The following C14orf132 variants were observed in gnomAD, a reference collection of about 807,000 sequenced individuals.
C14orf132 encodes the protein chromosome 14 open reading frame 132.
C14orf132 carries 6 observed loss-of-function variants against 5.8 expected under a neutral mutation model. That is an observed-to-expected ratio of 1.03 (90% CI 0.57 to 2.04). The LOEUF (loss-of-function observed/expected upper bound fraction) is 2.04. Ranked by LOEUF, C14orf132 falls within the 30% of genes most tolerant of loss-of-function variation. The pLI is 0.00. For missense variants in C14orf132, 125 were observed against 115.8 expected (o/e 1.08, Z -0.37); for synonymous variants, 51 against 49.8 (o/e 1.02, Z -0.10).
Position 96,088,828 on chromosome 14 carries a change from G to A in C14orf132, c.*2093G>A, listed in dbSNP as rs1482354100. On this transcript the variant is annotated 3_prime_UTR_variant, in exon 2 of 2. Transcript: ENST00000555004. ...GCTGCGGTGAAGGGAGGAGAAGGCA[G>A]GAGGAAAAAGGATGGCTTCTAGCCC... is the stretch of plus-strand genomic sequence containing the variant. The A allele has an allele frequency of 6.6e-6, 1 of 152,292 alleles. No homozygotes were observed. Among genetic ancestry groups the A allele is most frequent in the Non-Finnish European group, 1.5e-5 (1 of 68,088 alleles). 9.4% of individuals were successfully genotyped at this position (152,292 alleles called of 1,614,324 possible).
At position 96,041,972 on chromosome 14, in the gene C14orf132, G is replaced by C. The variant is rs180738657; in HGVS notation, c.27+2445G>C. 2.4e-3 allele frequency among the ~76,000 whole-genome samples: 367 copies of C among 152,338 alleles called. 3 individuals carry two copies. Among genetic ancestry groups the C allele is most frequent in the Admixed American group, 3.6e-3 (55 of 15,308 alleles). On this transcript the variant is annotated intron_variant, in intron 1 of 1. Transcript: ENST00000555004. ...TGAAGAAGGTGCCCAGCACGTAGTA[G>C]GTCCTCAAGTATTTATTAGAGGATT...
At chr14:96,041,304 G>A (rs766923163) in intron 1 of C14orf132, among the ~76,000 whole-genome samples, 7 of 152,124 alleles carry the variant, frequency 4.6e-5, no homozygotes, top group Admixed American at 3.3e-4. Context: ...AGTCCATGAC[G>A]GAGGCCCCAT....
intron 1 of C14orf132, among the ~76,000 whole-genome samples, chr14:96,083,831 T>C (rs1007843437): frequency 1.3e-5 from 2 of 152,182 alleles, no homozygotes; most frequent in Admixed American, 1.3e-4. Context: ...CCTGCAAAGC[T>C]ATTAAATAAA....
At chr14:96,052,776 G>T (rs1212997486) in intron 1 of C14orf132, among the ~76,000 whole-genome samples, 1 of 151,514 alleles carries the variant, frequency 6.6e-6, no homozygotes, top group Admixed American at 6.6e-5. Context: ...TCTGCTGCAT[G>T]CTGGGCCCAG....
rs1335035993 is a variant in C14orf132, at chr14:96,049,589, TAC to T, written c.27+10064_27+10065del. Among the ~76,000 whole-genome samples, 74 of 137,006 alleles carry T rather than the reference TAC, an allele frequency of 5.4e-4. 1 individual carries two copies. The highest frequency in any genetic ancestry group is 1.8e-3 in the African/African-American group (68 of 37,564). 89.9% of individuals were successfully genotyped at this position (137,006 alleles called of 152,430 possible). On this transcript the variant is annotated intron_variant, in intron 1 of 1. Transcript: ENST00000555004. ...ATATATACATATATACGTATATATA[TAC>T]ATATATACGTATATATATACATATA...
chr14:96,063,810 A>G (rs8022571), intron 1 of C14orf132, among the ~76,000 whole-genome samples: 9,238 of 152,236 alleles, frequency 0.061, 352 homozygotes, highest in East Asian at 0.17. Flanking sequence ...GAAAATCTTC[A>G]CTATCTATAC....
intron 1 of C14orf132, among the ~76,000 whole-genome samples, chr14:96,068,273 T>G (rs1231501916): frequency 1.3e-5 from 2 of 152,186 alleles, no homozygotes; most frequent in African/African-American, 4.8e-5. Flanking sequence ...TGGAGGCCAG[T>G]TCTCTGCAGG....
chr14:96,076,706 C>T (rs113294440), intron 1 of C14orf132, among the ~76,000 whole-genome samples: 2,776 of 152,218 alleles, frequency 0.018, 87 homozygotes, highest in African/African-American at 0.06. Context: ...GCATGCAGCC[C>T]GTGGGTTGTG....
At chr14:96,073,617 C>G (rs1887775734) in intron 1 of C14orf132, among the ~76,000 whole-genome samples, 1 of 152,228 alleles carries the variant, frequency 6.6e-6, no homozygotes, top group Non-Finnish European at 1.5e-5. Flanking sequence ...TTTTGGAAGA[C>G]TGTGTGGCAG....
At position 96,093,762 on chromosome 14, in the gene C14orf132, T is replaced by A. The variant is rs900979457; in HGVS notation, c.*7027T>A. 3 of 152,268 alleles carry A rather than the reference T, an allele frequency of 2.0e-5. No homozygotes were observed. The highest frequency in any genetic ancestry group is 4.4e-5 in the Non-Finnish European group (3 of 68,054). 9.4% of individuals were successfully genotyped at this position (152,268 alleles called of 1,614,324 possible). ...TTCTTAATAAAGGATTTCGCTGTGC[T>A]CTTTTGATTAAAAATATCTAACCTT... On this transcript the variant is annotated 3_prime_UTR_variant, in exon 2 of 2. Coordinates refer to ENST00000555004, the MANE Select transcript of C14orf132 (RefSeq NM_001252507.3).
chr14:96,070,408 C>T (rs1464333332), intron 1 of C14orf132, among the ~76,000 whole-genome samples: 1 of 152,174 alleles, frequency 6.6e-6, no homozygotes, highest in Non-Finnish European at 1.5e-5. Context: ...CATTCTTCTC[C>T]TTCTGCACCG....
chr14:96,070,311 G>A (rs978342837), intron 1 of C14orf132, among the ~76,000 whole-genome samples: 5 of 152,138 alleles, frequency 3.3e-5, no homozygotes, highest in African/African-American at 1.2e-4. Context: ...AGTGTCTCAT[G>A]AGCCAGGTAG....
At chr14:96,067,535 AC>A (rs1412695160) in intron 1 of C14orf132, among the ~76,000 whole-genome samples, 1 of 151,968 alleles carries the variant, frequency 6.6e-6, no homozygotes, top group Non-Finnish European at 1.5e-5. Flanking sequence ...CCCCATCTCT[AC>A]CAAAAATACA....
At position 96,090,630 on chromosome 14, in the gene C14orf132, C is replaced by G. The variant is rs950662539; in HGVS notation, c.*3895C>G. The stretch of plus-strand genomic sequence containing the variant: ...AAGGTCAAGAGGCAAATAAGACTCC[C>G]TGCTCCACTCTACCCCCCAGAGAGA... On this transcript the variant is annotated 3_prime_UTR_variant, in exon 2 of 2. Coordinates refer to ENST00000555004, the MANE Select transcript of C14orf132 (RefSeq NM_001252507.3). 2.2e-6 allele frequency: 1 copy of G among 455,952 alleles called. No individual in the cohort carries two copies. The highest frequency in any genetic ancestry group is 2.3e-5 in the Admixed American group (1 of 42,560). 28.2% of individuals were successfully genotyped at this position (455,952 alleles called of 1,614,324 possible). A position where few individuals can be genotyped will look rare whatever the true frequency, so the allele number is the denominator to read the frequency against.
At chr14:96,050,237 C>G (rs1444175142) in intron 1 of C14orf132, among the ~76,000 whole-genome samples, 2 of 152,064 alleles carry the variant, frequency 1.3e-5, no homozygotes, top group African/African-American at 4.8e-5. Context: ...GTGCTTTGTT[C>G]TGGGATGCAG....
intron 1 of C14orf132, among the ~76,000 whole-genome samples, chr14:96,063,444 G>C (rs1887423437): frequency 6.6e-6 from 1 of 152,088 alleles, no homozygotes; most frequent in African/African-American, 2.4e-5. Flanking sequence ...CAGTAGTTGA[G>C]ACTACAGGCA....
At chr14:96,062,478 G>A (rs1006016483) in intron 1 of C14orf132, among the ~76,000 whole-genome samples, 2 of 152,088 alleles carry the variant, frequency 1.3e-5, no homozygotes, top group African/African-American at 2.4e-5. Flanking sequence ...TCTCTCCCCT[G>A]CCTTTTGCAA....
intron 1 of C14orf132, among the ~76,000 whole-genome samples, chr14:96,044,003 C>T (rs1312526395): frequency 6.6e-6 from 1 of 152,138 alleles, no homozygotes; most frequent in East Asian, 1.9e-4. Context: ...GGAGGCTCAG[C>T]CGGCAAACAG....
At chr14:96,062,193 C>T (rs1234533135) in intron 1 of C14orf132, among the ~76,000 whole-genome samples, 1 of 152,076 alleles carries the variant, frequency 6.6e-6, no homozygotes, top group Non-Finnish European at 1.5e-5. Flanking sequence ...CGAGTCCCTG[C>T]CATGTGCATA....
Sources: allele counts gnomAD v4.1 joint callset (sites outside exome capture counted in the v4.1 genomes callset), GRCh38; gene constraint gnomAD v4.1.1; transcripts MANE v1.5; gene names NCBI Gene and HGNC (gene_info 2026-07-23, HGNC 2026-07-21).